Variants in IGSF11 observed in about 807,000 individuals in gnomAD.
The protein encoded by IGSF11 is CXADR like 1.
A neutral mutation model predicts 41.0 loss-of-function variants in IGSF11; 22 were observed. The ratio of observed to expected loss-of-function variants is 0.54; its 90% confidence interval spans 0.38 to 0.77. The LOEUF is 0.77. Among genes scored for constraint, IGSF11 ranks in the 30% least tolerant of loss-of-function variants. The pLI is 0.00. For synonymous variants in IGSF11, 219 were observed against 201.3 expected, an observed-to-expected ratio of 1.09 and a Z score of -0.74; for missense variants, 444 against 530.8, an observed-to-expected ratio of 0.84 and a Z score of 1.61.
intron 1 of IGSF11, among the ~76,000 whole-genome samples, chr3:118,965,846 T>G (rs1220511853): frequency 1.3e-5 from 2 of 152,156 alleles, no homozygotes; most frequent in African/African-American, 4.8e-5. Flanking sequence ...TACTGCATAG[T>G]AATAAAATGT....
At chr3:119,133,988 G>GA (rs1326005662) in intron 1 of IGSF11, among the ~76,000 whole-genome samples, 3 of 152,134 alleles carry the variant, frequency 2.0e-5, no homozygotes, top group African/African-American at 7.2e-5. Context: ...AACAGATGCA[G>GA]AAAAGGCCTT....
intron 1 of IGSF11, among the ~76,000 whole-genome samples, chr3:119,126,428 A>G (rs73185875): frequency 0.23 from 34,999 of 152,184 alleles, 4,215 homozygotes; most frequent in South Asian, 0.31. Context: ...AGACCAGCAA[A>G]CTTAGCTGAT....
Position 119,082,229 on chromosome 3 carries a change from T to C in IGSF11, c.49+22915A>G, listed in dbSNP as rs188202064. Among the ~76,000 whole-genome samples, 272 of 152,278 alleles carry C rather than the reference T, an allele frequency of 1.8e-3. 2 individuals are homozygous for C. Among genetic ancestry groups the C allele is most frequent in the Non-Finnish European group, 2.8e-3 (191 of 68,000 alleles). On this transcript the variant is annotated intron_variant, in intron 1 of 6. Transcript: ENST00000354673. ...CAATACAATAAGTTATAAAATTTAATAGGTAAGAAAAAATGGCAACATAAA... is the reference window on the plus strand; with the variant it reads ...CAATACAATAAGTTATAAAATTTAACAGGTAAGAAAAAATGGCAACATAAA...
At chr3:119,084,254 G>A (rs953374032) in intron 1 of IGSF11, among the ~76,000 whole-genome samples, 4 of 152,122 alleles carry the variant, frequency 2.6e-5, no homozygotes, top group South Asian at 2.1e-4. Context: ...CACAGACACT[G>A]AGGCTGAAGG....
At chr3:119,022,446 A>G (rs930833060) in intron 1 of IGSF11, among the ~76,000 whole-genome samples, 7 of 152,224 alleles carry the variant, frequency 4.6e-5, no homozygotes, top group Non-Finnish European at 1.0e-4. Context: ...TTTTACCACA[A>G]TTTTTAAAAT....
At chr3:119,005,166 G>A (rs28829879) in intron 1 of IGSF11, among the ~76,000 whole-genome samples, 45,368 of 131,326 alleles carry the variant, frequency 0.35, 10,273 homozygotes, top group African/African-American at 0.65. Flanking sequence ...GTGCATATAT[G>A]TTTAGGATAG....
At position 118,902,890 on chromosome 3, in the gene IGSF11, T is replaced by G. The variant is rs778074264; in HGVS notation, c.926A>C (p.Asn309Thr). The change falls in exon 7 of 7, where the codon AAC (asparagine) becomes ACC (threonine). Residue 309 changes from asparagine to threonine, a missense_variant. Asn to Thr is a moderately conservative substitution (Grantham distance 65, BLOSUM62 0). This residue lies in a region of IGSF11 where 223 missense variants were observed against 226.2 expected (regional missense o/e 0.99). Transcript: ENST00000393775. ...GTAGGCATTGGAAGAGGTTAGTGTG[T>G]TGTTGTCCGAGGAGGAAATCTCAGT... ...FHTEISSSDN[N>T]TLTSSNAYNS... is the part of the protein sequence containing the mutation. The G allele has an allele frequency of 1.9e-6, 3 of 1,614,162 alleles. No individual in the cohort carries two copies. The highest frequency in any genetic ancestry group is 2.2e-5 in the South Asian group (2 of 91,086).
At chr3:119,128,693 A>C (rs757108690) in intron 1 of IGSF11, among the ~76,000 whole-genome samples, 27 of 152,194 alleles carry the variant, frequency 1.8e-4, no homozygotes, top group Non-Finnish European at 3.2e-4. Context: ...TCAACAAGAA[A>C]AGCTAACTAT....
chr3:119,006,514 C>A (rs1370836309), intron 1 of IGSF11, among the ~76,000 whole-genome samples: 1 of 132,208 alleles, frequency 7.6e-6, no homozygotes, highest in South Asian at 2.8e-4. Flanking sequence ...TGAGGAACTG[C>A]GCTCCTTTGG....
At chr3:119,114,272 A>C (rs2077226231) in intron 1 of IGSF11, among the ~76,000 whole-genome samples, 1 of 152,208 alleles carries the variant, frequency 6.6e-6, no homozygotes, top group Non-Finnish European at 1.5e-5. Context: ...CCTTTTTGCC[A>C]CATGGCCAAG....
intron 1 of IGSF11, among the ~76,000 whole-genome samples, chr3:118,972,689 G>A (rs1933579705): frequency 6.6e-6 from 1 of 152,214 alleles, no homozygotes; most frequent in African/African-American, 2.4e-5. Flanking sequence ...ATTTGTAGAA[G>A]CTATAGCTTA....
chr3:118,969,547 G>A (rs6795523), intron 1 of IGSF11, among the ~76,000 whole-genome samples: 14,221 of 152,048 alleles, frequency 0.094, 1,346 homozygotes, highest in African/African-American at 0.24. Context: ...AGCTTCCCCC[G>A]TGAAAAAAGC....
chr3:118,998,994 A>G (rs1023017460), intron 1 of IGSF11, among the ~76,000 whole-genome samples: 6 of 152,120 alleles, frequency 3.9e-5, no homozygotes, highest in African/African-American at 1.2e-4. Context: ...AAATTTTTTA[A>G]TAATAAGGAA....
intron 1 of IGSF11, among the ~76,000 whole-genome samples, chr3:119,068,916 C>CTTTTTTTTTT (rs66923529): frequency 8.8e-6 from 1 of 114,136 alleles, no homozygotes; most frequent in Non-Finnish European, 1.7e-5. Context: ...TGGTTATTTT[C>CTTTTTTTTTT]TTTTTTTTTT....
At chr3:119,062,996 T>C (rs1462834681) in intron 1 of IGSF11, among the ~76,000 whole-genome samples, 1 of 152,216 alleles carries the variant, frequency 6.6e-6, no homozygotes, top group African/African-American at 2.4e-5. Flanking sequence ...CGGAATTATA[T>C]ATTCATTCTC....
chr3:118,903,162 A>C (rs1258194030), intron 6 of IGSF11, among the ~76,000 whole-genome samples: 3 of 152,170 alleles, frequency 2.0e-5, no homozygotes, highest in Non-Finnish European at 4.4e-5. Context: ...AACGGTCAAG[A>C]AAATCTCTCC....
intron 1 of IGSF11, among the ~76,000 whole-genome samples, chr3:118,934,468 G>A (rs549911006): frequency 1.3e-5 from 2 of 152,234 alleles, no homozygotes; most frequent in African/African-American, 4.8e-5. Context: ...TGAAAGTACT[G>A]CCTTGATGCC....
chr3:118,996,053 G>A, intron 1 of IGSF11, among the ~76,000 whole-genome samples: 1 of 152,160 alleles, frequency 6.6e-6, no homozygotes, highest in Middle Eastern at 3.2e-3. Flanking sequence ...CAAAGTGCTG[G>A]GATTACAGGC....
intron 1 of IGSF11, among the ~76,000 whole-genome samples, chr3:119,060,557 T>G (rs1302138914): frequency 6.6e-6 from 1 of 152,210 alleles, no homozygotes; most frequent in Non-Finnish European, 1.5e-5. Flanking sequence ...ATCATCTTAT[T>G]TAAATCCTCA....
Sources: gnomAD v4.1 joint callset for allele counts (sites outside exome capture counted in the v4.1 genomes callset) on GRCh38, gnomAD v4.1.1 for gene constraint, gnomAD v4.1.1 regional missense constraint, MANE v1.5 for transcripts, NCBI Gene and HGNC (gene_info 2026-07-23, HGNC 2026-07-21) for gene names.